The following ERAP1 variants were observed in gnomAD, a reference collection of about 807,000 sequenced individuals.
ERAP1 encodes adipocyte-derived leucine aminopeptidase.
Under a neutral mutation model 103.7 loss-of-function variants are expected in ERAP1, and 86 were observed. The observed-to-expected ratio is 0.83, with a 90% confidence interval of 0.70 to 0.99. ERAP1 has a LOEUF of 0.99. Among genes scored for constraint, ERAP1 ranks in the 50% least tolerant of loss-of-function variants. The pLI is 0.00. For synonymous variants in ERAP1, 398 were observed against 402.4 expected, an observed-to-expected ratio of 0.99 and a Z score of 0.13; for missense variants, 1,009 against 1,128.4, an observed-to-expected ratio of 0.89 and a Z score of 1.52.
chr5:96,819,425 G>A, the ERAP1 span, among the ~76,000 whole-genome samples: 9 of 152,280 alleles, frequency 5.9e-5, no homozygotes, highest in Middle Eastern at 3.4e-3. Flanking sequence ...TAACAATGGG[G>A]AAGAACCAAA....
At chr5:96,840,422 A>G in the ERAP1 span, among the ~76,000 whole-genome samples, 68 of 152,182 alleles carry the variant, frequency 4.5e-4, 1 homozygote, top group Admixed American at 2.0e-3. Flanking sequence ...ATCAGGTTTC[A>G]CCTTAAAGCC....
chr5:96,860,508 A>G, the ERAP1 span, among the ~76,000 whole-genome samples: 3 of 152,212 alleles, frequency 2.0e-5, no homozygotes, highest in Non-Finnish European at 2.9e-5. Context: ...TCTTACATTC[A>G]TTCAACAAAA....
At chr5:96,790,256 G>C in intron 10 of ERAP1, 40 bp downstream of exon 10, 1 of 1,584,732 alleles carries the variant, frequency 6.3e-7, no homozygotes, top group East Asian at 2.2e-5. Flanking sequence ...TGCAGTAAAA[G>C]AATGTGCTTG....
chr5:96,768,021 C>T (rs1770638684), intron 19 of ERAP1: 1 of 1,483,726 alleles, frequency 6.7e-7, no homozygotes, highest in Non-Finnish European at 9.4e-7. Context: ...TTTCACATTT[C>T]ACTCTTTGAA....
the ERAP1 span, among the ~76,000 whole-genome samples, chr5:96,897,922 T>A: frequency 6.6e-6 from 1 of 152,188 alleles, no homozygotes; most frequent in Non-Finnish European, 1.5e-5. Context: ...CATGGCCGGG[T>A]ACAATGGCTC....
the ERAP1 span, among the ~76,000 whole-genome samples, chr5:96,908,661 T>G: frequency 6.6e-6 from 1 of 152,232 alleles, no homozygotes; most frequent in South Asian, 2.1e-4. Context: ...CCTTTTGCTA[T>G]GTGGTAGACA....
chr5:96,902,346 A>G, the ERAP1 span: 2 of 1,606,950 alleles, frequency 1.2e-6, no homozygotes, highest in Non-Finnish European at 1.7e-6. Context: ...TTCTAAAATC[A>G]AAGACAGGTA....
chr5:96,762,600 A>C (rs1768395189), exon 20 of ERAP1: 1 of 430,384 alleles, frequency 2.3e-6, no homozygotes, highest in Admixed American at 3.9e-5. Context: ...ATAGTCAAGG[A>C]CCTTAATATT....
At chr5:96,787,170 TGAATG>T (rs903396082) in intron 11 of ERAP1, among the ~76,000 whole-genome samples, 5 of 152,380 alleles carry the variant, frequency 3.3e-5, no homozygotes, top group Admixed American at 1.3e-4. Context: ...TGGAAAAAGT[TGAATG>T]GGATTTATAG....
intron 3 of ERAP1, among the ~76,000 whole-genome samples, chr5:96,798,324 CAAAAAAAAA>C (rs3076633): frequency 1.3e-5 from 1 of 76,372 alleles, no homozygotes; most frequent in African/African-American, 5.4e-5. Context: ...GACTCCATCT[CAAAAAAAAA>C]AAAAAAAAAA....
In ERAP1 at chr5:96,785,852, T is replaced by C. The variant is rs1242710228; in HGVS notation, c.1879A>G (p.Thr627Ala). 6.2e-7 allele frequency: 1 copy of C among 1,614,078 alleles called. No homozygotes were observed. The highest frequency in any genetic ancestry group is 2.2e-5 in the East Asian group (1 of 44,890). Residue 627 changes from threonine (T) to alanine (A), a missense_variant, in exon 13 of 19, where the codon ACA becomes GCA. This residue lies in a region of ERAP1 where 611 missense variants were observed against 651.7 expected (regional missense o/e 0.94). Transcript: ENST00000443439. ...TCATTACTGCTGACTGCTGTGTGTGTTCCTTTTAAAAGGCCAGTCAAAGAG... is the reference window on the plus strand; with the variant it reads ...TCATTACTGCTGACTGCTGTGTGTGCTCCTTTTAAAAGGCCAGTCAAAGAG... ...WDSLTGLLKG[T>A]HTAVSSNDRA...
intron 19 of ERAP1, chr5:96,766,166 A>T: frequency 7.4e-7 from 1 of 1,355,244 alleles, no homozygotes; most frequent in South Asian, 1.2e-5. Context: ...GCAAATTGCT[A>T]GATCGGATTT....
the ERAP1 span, among the ~76,000 whole-genome samples, chr5:96,885,307 C>T: frequency 0.57 from 86,249 of 151,996 alleles, 24,637 homozygotes; most frequent in African/African-American, 0.62. Flanking sequence ...TAAGACAGCA[C>T]CTCCTCTGCT....
chr5:96,768,773 C>A (rs1770998285), intron 19 of ERAP1, among the ~76,000 whole-genome samples: 1 of 152,180 alleles, frequency 6.6e-6, no homozygotes, highest in African/African-American at 2.4e-5. Flanking sequence ...CTCTTCATTC[C>A]TCAGGGCACA....
At chr5:96,887,238 G>T in the ERAP1 span, among the ~76,000 whole-genome samples, 3 of 150,888 alleles carry the variant, frequency 2.0e-5, no homozygotes, top group African/African-American at 2.4e-5. Context: ...ATTAATAATT[G>T]CATGGAGGTT....
Position 96,775,433 on chromosome 5 carries a change from G to T in ERAP1, c.*963C>A. On this transcript the variant is annotated 3_prime_UTR_variant, in exon 19 of 19. Coordinates refer to ENST00000443439, the MANE Select transcript of ERAP1 (RefSeq NM_001040458.3). ...AAGTAGGCCAAATAAGAAGCAGAGA[G>T]AGAAAAAAAATCACCTCCCTAAGAA... 5 of 985,410 alleles carry T rather than the reference G, an allele frequency of 5.1e-6. No individual in the cohort carries two copies. Among genetic ancestry groups the T allele is most frequent in the Non-Finnish European group, 6.0e-6 (5 of 829,878 alleles). 61.0% of individuals were successfully genotyped at this position (985,410 alleles called of 1,614,324 possible).
chr5:96,870,051 A>T, the ERAP1 span, among the ~76,000 whole-genome samples: 1 of 152,326 alleles, frequency 6.6e-6, no homozygotes, highest in African/African-American at 2.4e-5. Context: ...TGAACGAGGG[A>T]TTCCAGAAAT....
chr5:96,766,168 A>G, intron 19 of ERAP1: 1 of 1,296,478 alleles, frequency 7.7e-7, no homozygotes, highest in African/African-American at 1.5e-5. Context: ...AAATTGCTAG[A>G]TCGGATTTAT....
Position 96,784,864 on chromosome 5 carries a change from T to C in ERAP1, c.1944-784A>G, listed in dbSNP as rs1326448268. 3.9e-5 allele frequency: 6 copies of C among 152,154 alleles called. 1 individual carries two copies. The highest frequency in any genetic ancestry group is 1.4e-4 in the African/African-American group (6 of 41,402). 9.4% of individuals were successfully genotyped at this position (152,154 alleles called of 1,614,324 possible). ...AAAAACCTCAGTGGTAGGGTATATA[T>C]TATATAAGTTAAAAAATAAAAAAGA... On this transcript the variant is annotated intron_variant, in intron 13 of 18. Transcript: ENST00000443439.
Sources: allele counts gnomAD v4.1 joint callset (sites outside exome capture counted in the v4.1 genomes callset), GRCh38; gene constraint gnomAD v4.1.1; regional missense constraint gnomAD v4.1.1; transcripts MANE v1.5; gene names NCBI Gene and HGNC (gene_info 2026-07-23, HGNC 2026-07-21).